Variants in POU2F1 observed in about 807,000 individuals in gnomAD.
The protein encoded by POU2F1 is POU class 2 homeobox 1.
In POU2F1, 16 loss-of-function variants were observed where a neutral mutation model predicts 84.9. That is an observed-to-expected ratio of 0.19 (90% CI 0.13 to 0.29). The LOEUF (loss-of-function observed/expected upper bound fraction) is 0.29, where lower values mean the gene tolerates loss of function less well. Among genes scored for constraint, POU2F1 ranks in the 10% least tolerant of loss-of-function variants. The pLI is 1.00. For missense variants in POU2F1, 738 were observed against 942.6 expected (o/e 0.78, Z 2.84); for synonymous variants, 368 against 368.3 (o/e 1.00, Z 0.01).
intron 1 of POU2F1, among the ~76,000 whole-genome samples, chr1:167,325,548 A>T (rs2101710057): frequency 6.6e-6 from 1 of 152,290 alleles, no homozygotes; most frequent in Middle Eastern, 3.4e-3. Context: ...TTTCATTTCT[A>T]ATGATACCTA....
In POU2F1 at chr1:167,377,601, T is replaced by TA. The variant is rs534331964; in HGVS notation, c.718+1452dup. ...GACTCCGTCTAAAAAATAAAAAAAT[T>TA]AAAAAATCACTTGAGGAATTAGAAA... On this transcript the variant is annotated intron_variant, in intron 7 of 15. Coordinates refer to ENST00000367866, the MANE Select transcript of POU2F1 (RefSeq NM_002697.4). 2.5e-3 allele frequency among the ~76,000 whole-genome samples: 377 copies of TA among 152,084 alleles called. 1 individual carries two copies. Among genetic ancestry groups the TA allele is most frequent in the Non-Finnish European group, 3.9e-3 (263 of 67,936 alleles).
chr1:167,253,165 A>G (rs926168080), intron 1 of POU2F1, among the ~76,000 whole-genome samples: 5 of 152,216 alleles, frequency 3.3e-5, no homozygotes, highest in African/African-American at 1.2e-4. Flanking sequence ...GTTTCACTTA[A>G]GAGGGCAAAA....
At chr1:167,227,823 A>G (rs1461728282) in intron 1 of POU2F1, among the ~76,000 whole-genome samples, 2 of 152,246 alleles carry the variant, frequency 1.3e-5, no homozygotes, top group Non-Finnish European at 2.9e-5. Context: ...ATTGGAGAAT[A>G]GATCAGAGTG....
chr1:167,356,977 C>T (rs1372738881), intron 2 of POU2F1, among the ~76,000 whole-genome samples: 2 of 152,150 alleles, frequency 1.3e-5, no homozygotes, highest in Admixed American at 6.5e-5. Flanking sequence ...CATATTCCGC[C>T]ATTTTGTCTC....
chr1:167,280,022 A>G (rs1181248153), intron 1 of POU2F1, among the ~76,000 whole-genome samples: 1 of 152,050 alleles, frequency 6.6e-6, no homozygotes, highest in African/African-American at 2.4e-5. Context: ...CCTGACCAAC[A>G]TGGTGAAACC....
chr1:167,298,954 G>A (rs986974295), intron 1 of POU2F1, among the ~76,000 whole-genome samples: 1 of 151,822 alleles, frequency 6.6e-6, no homozygotes, highest in African/African-American at 2.4e-5. Context: ...ACCTGAGGTC[G>A]GGAGTTCGAG....
chr1:167,233,303 A>ATT (rs371350367), intron 1 of POU2F1, among the ~76,000 whole-genome samples: 5 of 141,166 alleles, frequency 3.5e-5, no homozygotes, highest in Non-Finnish European at 4.7e-5. Context: ...TGCCCAGCTA[A>ATT]TTTTTTTTTT....
In POU2F1 at chr1:167,425,103, T is replaced by TC. The variant is rs1650877924; in HGVS notation, c.*9297dup. On this transcript the variant is annotated 3_prime_UTR_variant, in exon 16 of 16. Transcript: ENST00000367866. ...TCCAATGGGCTCTCTAGAAGCTGCATCCCCAGCCCTTTCACCTTTTCTTTG... is the reference window on the plus strand; with the variant it reads ...TCCAATGGGCTCTCTAGAAGCTGCATCCCCCAGCCCTTTCACCTTTTCTTTG... The TC allele has an allele frequency of 6.6e-6, 1 of 152,116 alleles. No homozygotes were observed. The highest frequency in any genetic ancestry group is 2.1e-4 in the South Asian group (1 of 4,826). The allele number at this position is 152,116 out of a possible 1,614,324, so 9.4% of individuals were successfully genotyped here.
rs2101960975 is a variant in POU2F1, at chr1:167,418,990, A to G, written c.*3180A>G. On this transcript the variant is annotated 3_prime_UTR_variant, in exon 16 of 16. Transcript: ENST00000367866. ...AGGTACATTTACACATGTACACACG[A>G]AACACTAATATAGCTTTTTGGTGGT... is the stretch of plus-strand genomic sequence containing the variant. 1 of 152,356 alleles carries G rather than the reference A, an allele frequency of 6.6e-6. No individual in the cohort carries two copies. Among genetic ancestry groups the G allele is most frequent in the South Asian group, 2.1e-4 (1 of 4,828 alleles). The allele number at this position is 152,356 out of a possible 1,614,324, so 9.4% of individuals were successfully genotyped here.
At chr1:167,254,325 A>T (rs1650972765) in intron 1 of POU2F1, among the ~76,000 whole-genome samples, 1 of 152,200 alleles carries the variant, frequency 6.6e-6, no homozygotes, top group Non-Finnish European at 1.5e-5. Context: ...GCTGCAATAT[A>T]TTAATATTTG....
At chr1:167,398,697 C>A (rs1648984301) in intron 11 of POU2F1, among the ~76,000 whole-genome samples, 1 of 152,178 alleles carries the variant, frequency 6.6e-6, no homozygotes, top group Admixed American at 6.5e-5. Flanking sequence ...ATTTTGACTT[C>A]TCTAATTCAG....
intron 1 of POU2F1, among the ~76,000 whole-genome samples, chr1:167,235,351 G>GGAATTGGTGA (rs1649370472): frequency 6.6e-6 from 1 of 152,166 alleles, no homozygotes; most frequent in Non-Finnish European, 1.5e-5. Context: ...TAGTTAGAAA[G>GGAATTGGTGA]GAATTGGTGA....
intron 1 of POU2F1, among the ~76,000 whole-genome samples, chr1:167,252,728 A>G (rs983312722): frequency 6.6e-6 from 1 of 152,260 alleles, no homozygotes; most frequent in Non-Finnish European, 1.5e-5. Flanking sequence ...AATGAATTAA[A>G]GTAATTCTGG....
intron 1 of POU2F1, among the ~76,000 whole-genome samples, chr1:167,255,816 G>C (rs1210963741): frequency 6.6e-6 from 1 of 152,196 alleles, no homozygotes; most frequent in Non-Finnish European, 1.5e-5. Flanking sequence ...GAATATGGTT[G>C]ATGTGCCAAA....
At chr1:167,346,923 T>C (rs1273504059) in intron 2 of POU2F1, among the ~76,000 whole-genome samples, 1 of 152,220 alleles carries the variant, frequency 6.6e-6, no homozygotes, top group Non-Finnish European at 1.5e-5. Context: ...ATTCTTCCCA[T>C]TTTATGGCAG....
At chr1:167,322,532 C>T (rs1010323034) in intron 1 of POU2F1, among the ~76,000 whole-genome samples, 11 of 152,210 alleles carry the variant, frequency 7.2e-5, no homozygotes, top group African/African-American at 2.7e-4. Context: ...GCAGCACTAC[C>T]GGCTGTGGCG....
intron 2 of POU2F1, among the ~76,000 whole-genome samples, chr1:167,351,354 TCAAAA>T (rs991313980): frequency 6.6e-6 from 1 of 151,226 alleles, no homozygotes; most frequent in Non-Finnish European, 1.5e-5. Flanking sequence ...AAACTCTGTC[TCAAAA>T]CAAACAAAAT....
At chr1:167,287,058 G>A (rs915962755) in intron 1 of POU2F1, among the ~76,000 whole-genome samples, 1 of 152,162 alleles carries the variant, frequency 6.6e-6, no homozygotes, top group Non-Finnish European at 1.5e-5. Context: ...TCAGGGCAGG[G>A]AAATGGAGCT....
intron 1 of POU2F1, among the ~76,000 whole-genome samples, chr1:167,293,245 A>G (rs992980550): frequency 6.6e-6 from 1 of 152,190 alleles, no homozygotes; most frequent in Non-Finnish European, 1.5e-5. Flanking sequence ...AGAAAACCCT[A>G]AAGACTCTTA....
Sources: gnomAD v4.1 joint callset for allele counts (sites outside exome capture counted in the v4.1 genomes callset) on GRCh38, gnomAD v4.1.1 for gene constraint, MANE v1.5 for transcripts, NCBI Gene and HGNC (gene_info 2026-07-23, HGNC 2026-07-21) for gene names.